NBEA: variants seen among roughly 807,000 people sequenced by gnomAD.
NBEA encodes neurobeachin.
A neutral mutation model predicts 343.4 loss-of-function variants in NBEA; 44 were observed. The observed-to-expected ratio is 0.13, with a 90% CI of 0.10 to 0.16. The LOEUF is 0.16. Ranked by LOEUF, NBEA falls within the 10% of genes least tolerant of loss-of-function variation. The pLI is 1.00. For synonymous variants in NBEA, 1,175 were observed against 1,238.7 expected (o/e 0.95, Z 1.08); for missense variants, 2,555 against 3,631.3 (o/e 0.70, Z 7.62).
intron 10 of NBEA, among the ~76,000 whole-genome samples, chr13:35,092,880 C>T (rs1022288939): frequency 7.2e-5 from 11 of 152,000 alleles, no homozygotes; most frequent in Non-Finnish European, 1.5e-4. Context: ...ATCATGTCCA[C>T]ACAAAAGCCT....
At chr13:35,117,925 T>C (rs1308651205) in intron 14 of NBEA, among the ~76,000 whole-genome samples, 1 of 152,056 alleles carries the variant, frequency 6.6e-6, no homozygotes, top group Non-Finnish European at 1.5e-5. Flanking sequence ...TATATTGTTT[T>C]AAGGAAAGAG....
In NBEA at chr13:35,656,875, G is replaced by T. The variant is rs999572177; in HGVS notation, c.8362+1126G>T. ...GAGATAAAAATTTTTCAGGAAACCT[G>T]TGCATCTACAACTAAAATACTATAA... On this transcript the variant is annotated intron_variant, in intron 55 of 58. Coordinates refer to ENST00000379939, the MANE Select transcript of NBEA (RefSeq NM_001385012.1). 1.8e-4 allele frequency among the ~76,000 whole-genome samples: 27 copies of T among 152,290 alleles called. 1 individual carries two copies. The highest frequency in any genetic ancestry group is 1.4e-3 in the South Asian group (7 of 4,828).
chr13:35,527,639 C>T (rs2078045610), intron 41 of NBEA, among the ~76,000 whole-genome samples: 2 of 152,228 alleles, frequency 1.3e-5, no homozygotes, highest in Admixed American at 1.3e-4. Context: ...GGCTCAGCCA[C>T]AGCCTTGTAC....
Position 35,461,981 on chromosome 13 carries a change from A to G in NBEA, c.6448+9746A>G, listed in dbSNP as rs972037553. Among the ~76,000 whole-genome samples the G allele has an allele frequency of 3.9e-5, 6 of 152,218 alleles. No individual in the cohort carries two copies. In the South Asian group the frequency reaches 8.3e-4, roughly 21 times the overall value. On this transcript the variant is annotated intron_variant, in intron 40 of 58. Transcript: ENST00000379939. ...TCTATCAGTTCAAGTCATCAGTCCAATAAAAACAAGTCAATTGTTTTCTCT... is the reference window on the plus strand; with the variant it reads ...TCTATCAGTTCAAGTCATCAGTCCAGTAAAAACAAGTCAATTGTTTTCTCT...
intron 10 of NBEA, among the ~76,000 whole-genome samples, chr13:35,094,668 C>G (rs1340046019): frequency 1.3e-5 from 2 of 151,788 alleles, no homozygotes; most frequent in Non-Finnish European, 2.9e-5. Context: ...ATTATTTCTG[C>G]TATGATCACT....
intron 35 of NBEA, among the ~76,000 whole-genome samples, chr13:35,290,935 C>T (rs1395325610): frequency 6.6e-6 from 1 of 151,508 alleles, no homozygotes; most frequent in Non-Finnish European, 1.5e-5. Flanking sequence ...TTGTATATGT[C>T]AGTGTAAATT....
chr13:35,026,618 G>T (rs1287153346), intron 1 of NBEA, among the ~76,000 whole-genome samples: 2 of 151,998 alleles, frequency 1.3e-5, no homozygotes, highest in African/African-American at 2.4e-5. Context: ...GCAAATGATT[G>T]TTCCATAATT....
At chr13:35,291,120 C>T (rs1047831974) in intron 35 of NBEA, among the ~76,000 whole-genome samples, 2 of 151,822 alleles carry the variant, frequency 1.3e-5, no homozygotes, top group South Asian at 4.1e-4. Flanking sequence ...TCTGTCAAGT[C>T]TCCTAGCAGT....
At chr13:35,652,325 C>T (rs2084564295) in intron 53 of NBEA, among the ~76,000 whole-genome samples, 1 of 136,622 alleles carries the variant, frequency 7.3e-6, no homozygotes, top group Admixed American at 8.2e-5. Flanking sequence ...GCACATGTAC[C>T]CCAGAACTTA....
chr13:35,282,390 C>T (rs569437188), intron 34 of NBEA, among the ~76,000 whole-genome samples: 1 of 151,970 alleles, frequency 6.6e-6, no homozygotes, highest in African/African-American at 2.4e-5. Flanking sequence ...TATTTAGGAC[C>T]AGTCTTTCTT....
chr13:35,364,226 C>G (rs977688166), intron 38 of NBEA, among the ~76,000 whole-genome samples: 32 of 151,832 alleles, frequency 2.1e-4, no homozygotes, highest in African/African-American at 7.5e-4. Context: ...TCCTTCAGCC[C>G]TTTCTCTGCC....
intron 38 of NBEA, among the ~76,000 whole-genome samples, chr13:35,352,672 C>G (rs1044918462): frequency 5.3e-5 from 8 of 152,026 alleles, no homozygotes; most frequent in African/African-American, 1.7e-4. Flanking sequence ...TTAGAGTCAA[C>G]TCTTCCTACT....
At chr13:35,471,369 T>C (rs756470366) in intron 40 of NBEA, among the ~76,000 whole-genome samples, 19 of 152,258 alleles carry the variant, frequency 1.2e-4, no homozygotes, top group Admixed American at 3.3e-4. Context: ...TTATTGCCTT[T>C]CTCCGACTGT....
In NBEA at chr13:35,142,305, C is replaced by T. The variant is rs2068135524; in HGVS notation, c.2373C>T (p.Phe791=). The part of the protein sequence containing the change: ...KVEIMHTHSL[F]TLLGERLMLH... The stretch of plus-strand genomic sequence containing the variant: ...AAATTATGCACACCCATAGTCTTTT[C>T]ACTCTTCTTGGAGAAAGGCTGATGT... The change falls in exon 18 of 59, where the codon TTC becomes TTT. Residue 791 remains phenylalanine, a synonymous_variant. Coordinates refer to ENST00000379939, the MANE Select transcript of NBEA (RefSeq NM_001385012.1). The T allele has an allele frequency of 6.2e-7, 1 of 1,613,142 alleles. No individual in the cohort carries two copies. Among genetic ancestry groups the T allele is most frequent in the African/African-American group, 1.3e-5 (1 of 74,872 alleles).
intron 17 of NBEA, among the ~76,000 whole-genome samples, chr13:35,124,613 CAT>C (rs2066991553): frequency 6.8e-6 from 1 of 146,588 alleles, no homozygotes; most frequent in Non-Finnish European, 1.5e-5. Context: ...TATACACATA[CAT>C]ATATATGGAT....
intron 38 of NBEA, among the ~76,000 whole-genome samples, chr13:35,423,607 G>A (rs2044446625): frequency 6.6e-6 from 1 of 152,022 alleles, no homozygotes; most frequent in Non-Finnish European, 1.5e-5. Flanking sequence ...TTGTTCTTTT[G>A]GCTTAGGATT....
intron 34 of NBEA, among the ~76,000 whole-genome samples, chr13:35,263,022 C>G (rs1316410738): frequency 6.6e-6 from 1 of 152,024 alleles, no homozygotes; most frequent in African/African-American, 2.4e-5. Context: ...CAAAATAATC[C>G]TGAAAAAGAA....
Position 35,127,035 on chromosome 13 carries a change from A to G in NBEA, c.2336+3461A>G, listed in dbSNP as rs2067172122. On this transcript the variant is annotated intron_variant, in intron 17 of 58. Coordinates refer to ENST00000379939, the MANE Select transcript of NBEA (RefSeq NM_001385012.1). ...AAATCTATAATTCAGTGAAGTCTAG[A>G]TGTAAGATTTTGCCATTTTTATTTA... Among the ~76,000 whole-genome samples, 3 of 152,132 alleles carry G rather than the reference A, an allele frequency of 2.0e-5. No individual in the cohort carries two copies. The South Asian group carries it at 6.2e-4, about 31-fold the overall frequency.
chr13:35,184,540 A>T (rs950670672), intron 30 of NBEA, among the ~76,000 whole-genome samples: 3 of 152,114 alleles, frequency 2.0e-5, no homozygotes, highest in Non-Finnish European at 4.4e-5. Context: ...TAGACATCCA[A>T]CAAAAATTAT....
Sources: gnomAD v4.1 joint callset for allele counts (sites outside exome capture counted in the v4.1 genomes callset) on GRCh38, gnomAD v4.1.1 for gene constraint, MANE v1.5 for transcripts, NCBI Gene and HGNC (gene_info 2026-07-23, HGNC 2026-07-21) for gene names.